The following GADL1 variants were observed in gnomAD, a reference collection of about 807,000 sequenced individuals.
GADL1 encodes acidic amino acid decarboxylase GADL1.
GADL1 carries 71 observed loss-of-function variants against 69.5 expected under a neutral mutation model. That is an observed-to-expected ratio of 1.02 (90% CI 0.84 to 1.25). The LOEUF (loss-of-function observed/expected upper bound fraction) is 1.25, where lower values mean the gene tolerates loss of function less well. Among genes scored for constraint, GADL1 ranks in the 50% most tolerant of loss-of-function variants. The pLI is 0.00. For synonymous variants in GADL1, 254 were observed against 214.4 expected (o/e 1.18, Z -1.62); for missense variants, 737 against 631.8 (o/e 1.17, Z -1.79).
chr3:30,786,306 C>CA, intron 13 of GADL1, 49 bp downstream of exon 13: 1 of 1,132,894 alleles, frequency 8.8e-7, no homozygotes, highest in Non-Finnish European at 1.3e-6. Flanking sequence ...TTACCACCTT[C>CA]ATCACTGTTA....
At position 30,863,556 on chromosome 3, in the gene GADL1, T is replaced by C. The variant is rs539773307; in HGVS notation, c.38-1791A>G. 3.2e-4 allele frequency among the ~76,000 whole-genome samples: 48 copies of C among 152,104 alleles called. 2 individuals carry two copies. In the South Asian group the frequency reaches 9.3e-3, roughly 30 times the overall value. On this transcript the variant is annotated intron_variant, in intron 1 of 14. Coordinates refer to ENST00000282538, the MANE Select transcript of GADL1 (RefSeq NM_207359.3). ...AGCACAAGCTTTGATTCAATCACAT[T>C]CTCTTTTTCTAATCAGTATGTTTCT...
intron 6 of GADL1, among the ~76,000 whole-genome samples, chr3:30,845,459 G>A (rs979251774): frequency 6.6e-6 from 1 of 152,160 alleles, no homozygotes; most frequent in Non-Finnish European, 1.5e-5. Flanking sequence ...TAAAAGAGTA[G>A]TCATGCCTTC....
At chr3:30,854,617 T>A in intron 4 of GADL1, 82 bp downstream of exon 4, 1 of 805,242 alleles carries the variant, frequency 1.2e-6, no homozygotes, top group Non-Finnish European at 2.1e-6. Flanking sequence ...AACCATTAAA[T>A]AGAGATTTTT....
At chr3:30,755,497 A>G (rs1414273384) in intron 14 of GADL1, among the ~76,000 whole-genome samples, 2 of 152,244 alleles carry the variant, frequency 1.3e-5, no homozygotes, top group African/African-American at 4.8e-5. Flanking sequence ...ATAAGTGAAG[A>G]CTTCTCCCCC....
intron 14 of GADL1, among the ~76,000 whole-genome samples, chr3:30,748,778 G>A (rs978791296): frequency 3.3e-5 from 5 of 152,178 alleles, no homozygotes; most frequent in African/African-American, 1.2e-4. Context: ...AACCTGGGAA[G>A]AAAGCTGAAT....
chr3:30,761,919 AT>A (rs1210353238), intron 14 of GADL1, among the ~76,000 whole-genome samples: 1 of 152,148 alleles, frequency 6.6e-6, no homozygotes, highest in Non-Finnish European at 1.5e-5. Context: ...ATGCATGTGT[AT>A]ATGTATTATA....
intron 6 of GADL1, among the ~76,000 whole-genome samples, chr3:30,847,548 G>A (rs1361949556): frequency 1.3e-5 from 2 of 152,208 alleles, no homozygotes; most frequent in African/African-American, 4.8e-5. Context: ...AGTAAAGGCA[G>A]TCAATAAAAT....
chr3:30,885,731 T>C (rs1478836895), intron 1 of GADL1, among the ~76,000 whole-genome samples: 1 of 151,870 alleles, frequency 6.6e-6, no homozygotes, highest in Non-Finnish European at 1.5e-5. Context: ...TACATTTTTA[T>C]TTTAAATTTT....
intron 13 of GADL1, among the ~76,000 whole-genome samples, chr3:30,784,119 C>T (rs768112681): frequency 6.6e-6 from 1 of 152,124 alleles, no homozygotes; most frequent in African/African-American, 2.4e-5. Context: ...CTTAGCTATC[C>T]ACCACTAAAA....
At chr3:30,845,484 A>G (rs529011399) in intron 6 of GADL1, among the ~76,000 whole-genome samples, 1 of 152,338 alleles carries the variant, frequency 6.6e-6, no homozygotes, top group Admixed American at 6.5e-5. Flanking sequence ...TTCACTTGAT[A>G]TATTCCCTCA....
At position 30,865,844 on chromosome 3, in the gene GADL1, C is replaced by T. The variant is rs114742281; in HGVS notation, c.38-4079G>A. ...CAGCGCACGGACCACAGGCTCACTC[C>T]AGAAACCACACTTCCAAATTTGAAA... is the stretch of plus-strand genomic sequence containing the variant. On this transcript the variant is annotated intron_variant, in intron 1 of 14. Transcript: ENST00000282538. 3.7e-3 allele frequency among the ~76,000 whole-genome samples: 569 copies of T among 152,114 alleles called. 3 individuals are homozygous for T. The highest frequency in any genetic ancestry group is 0.013 in the African/African-American group (525 of 41,538).
intron 11 of GADL1, among the ~76,000 whole-genome samples, chr3:30,827,435 C>T (rs1256578375): frequency 1.3e-5 from 2 of 151,710 alleles, no homozygotes; most frequent in Non-Finnish European, 1.5e-5. Context: ...AAGCAATATA[C>T]TGAGCTGTAT....
intron 14 of GADL1, among the ~76,000 whole-genome samples, chr3:30,757,222 C>G (rs1364150085): frequency 6.6e-6 from 1 of 152,168 alleles, no homozygotes; most frequent in East Asian, 1.9e-4. Flanking sequence ...CATCAAATAT[C>G]TAAGTATGCT....
chr3:30,809,230 G>A (rs1318596817), intron 11 of GADL1, among the ~76,000 whole-genome samples: 2 of 151,910 alleles, frequency 1.3e-5, no homozygotes, highest in African/African-American at 4.8e-5. Flanking sequence ...TTCTTTACTT[G>A]GATTTATTTA....
At chr3:30,757,204 T>A (rs574058282) in intron 14 of GADL1, among the ~76,000 whole-genome samples, 3 of 152,166 alleles carry the variant, frequency 2.0e-5, no homozygotes, top group African/African-American at 4.8e-5. Context: ...AATGGCCTCC[T>A]GGACCTTCAT....
At position 30,728,351 on chromosome 3, in the gene GADL1, T is replaced by C. The variant is rs1004139181; in HGVS notation, c.1457A>G (p.His486Arg). Residue 486 changes from histidine to arginine, a missense_variant, in exon 15 of 15, where the codon CAC becomes CGC. Physicochemically the swap from His to Arg is conservative, Grantham distance 29. Coordinates refer to ENST00000282538, the MANE Select transcript of GADL1 (RefSeq NM_207359.3). ...KGSLMLGYQP[H>R]RGKVNFFRQV... ...GCGGAAGAAGTTGACCTTTCCCCGGTGCGGCTGGTAGCCCAGCATCAAGCT... is the reference window on the plus strand; with the variant it reads ...GCGGAAGAAGTTGACCTTTCCCCGGCGCGGCTGGTAGCCCAGCATCAAGCT... 3.7e-6 allele frequency: 6 copies of C among 1,613,764 alleles called. No homozygotes were observed. The African/African-American group carries it at 5.3e-5, about 14-fold the overall frequency.
intron 5 of GADL1, among the ~76,000 whole-genome samples, chr3:30,850,526 A>G (rs1575234150): frequency 6.6e-6 from 1 of 152,160 alleles, no homozygotes; most frequent in Admixed American, 6.5e-5. Flanking sequence ...AAATCTTCTC[A>G]AGTAAAATTT....
intron 11 of GADL1, among the ~76,000 whole-genome samples, chr3:30,817,457 C>T (rs539052993): frequency 1.3e-5 from 2 of 152,128 alleles, no homozygotes; most frequent in African/African-American, 2.4e-5. Flanking sequence ...TAGAGATTTT[C>T]CTTTTAGATT....
intron 1 of GADL1, among the ~76,000 whole-genome samples, chr3:30,865,503 C>T (rs1255843674): frequency 2.0e-5 from 3 of 151,910 alleles, no homozygotes; most frequent in Non-Finnish European, 4.4e-5. Flanking sequence ...GTCTTCCTCC[C>T]TTGAGATGCC....
Sources: gnomAD v4.1 joint callset for allele counts (sites outside exome capture counted in the v4.1 genomes callset) on GRCh38, gnomAD v4.1.1 for gene constraint, MANE v1.5 for transcripts, NCBI Gene and HGNC (gene_info 2026-07-23, HGNC 2026-07-21) for gene names.